Variants in BMAL1 observed in about 807,000 individuals in gnomAD.
The protein encoded by BMAL1 is basic helix-loop-helix ARNT like 1.
the BMAL1 span, among the ~76,000 whole-genome samples, chr11:13,382,351 A>T: frequency 6.6e-6 from 1 of 152,224 alleles, no homozygotes; most frequent in Non-Finnish European, 1.5e-5. Flanking sequence ...GAACTTGTAC[A>T]ACTTTCAAGC....
the BMAL1 span, among the ~76,000 whole-genome samples, chr11:13,295,783 C>G: frequency 2.0e-5 from 3 of 152,158 alleles, no homozygotes; most frequent in Non-Finnish European, 4.4e-5. Context: ...TATATTTTCT[C>G]TCCTATTATT....
At chr11:13,384,285 T>C in the BMAL1 span, among the ~76,000 whole-genome samples, 3 of 152,200 alleles carry the variant, frequency 2.0e-5, no homozygotes, top group Non-Finnish European at 4.4e-5. Context: ...GTTGATGAGA[T>C]AGGGAGTATT....
chr11:13,371,077 T>C, the BMAL1 span, among the ~76,000 whole-genome samples: 24 of 152,334 alleles, frequency 1.6e-4, no homozygotes, highest in Admixed American at 3.9e-4. Context: ...CGATTATTTG[T>C]TTAAAGTCTG....
chr11:13,278,142 G>A, the BMAL1 span, among the ~76,000 whole-genome samples: 1 of 152,192 alleles, frequency 6.6e-6, no homozygotes, highest in Non-Finnish European at 1.5e-5. Context: ...AAGGCGCCGC[G>A]CCCGTCCGCC....
the BMAL1 span, among the ~76,000 whole-genome samples, chr11:13,363,902 A>G: frequency 1.3e-5 from 2 of 152,020 alleles, no homozygotes; most frequent in South Asian, 2.1e-4. Context: ...CCAGGGTGCT[A>G]TGGAGTTGGA....
the BMAL1 span, among the ~76,000 whole-genome samples, chr11:13,285,181 A>G: frequency 6.6e-6 from 1 of 152,236 alleles, no homozygotes; most frequent in Non-Finnish European, 1.5e-5. Context: ...GGGGTATGTC[A>G]TAATGAGCAA....
At chr11:13,359,855 CT>C in the BMAL1 span, among the ~76,000 whole-genome samples, 1 of 152,164 alleles carries the variant, frequency 6.6e-6, no homozygotes, top group African/African-American at 2.4e-5. Context: ...TAACTCACCC[CT>C]GATGAAGAGT....
the BMAL1 span, chr11:13,326,573 AGT>A: frequency 6.6e-6 from 1 of 152,196 alleles, no homozygotes; most frequent in South Asian, 2.1e-4. Context: ...ACTGCTTAGT[AGT>A]TAAGAGTATG....
At chr11:13,356,012 C>T in the BMAL1 span, among the ~76,000 whole-genome samples, 1 of 152,172 alleles carries the variant, frequency 6.6e-6, no homozygotes, top group Admixed American at 6.5e-5. Context: ...GGAACTCCTT[C>T]CTCTGGGGAT....
the BMAL1 span, chr11:13,387,070 T>C: frequency 4.6e-6 from 1 of 217,952 alleles, no homozygotes; most frequent in East Asian, 9.8e-5. Flanking sequence ...TTGGTAGCTT[T>C]TATATGCAAA....
chr11:13,282,728 A>G, the BMAL1 span, among the ~76,000 whole-genome samples: 1 of 152,144 alleles, frequency 6.6e-6, no homozygotes, highest in African/African-American at 2.4e-5. Flanking sequence ...TGCATTCCAT[A>G]TTGTGTTGGG....
the BMAL1 span, among the ~76,000 whole-genome samples, chr11:13,330,446 A>G: frequency 4.6e-5 from 7 of 152,268 alleles, no homozygotes; most frequent in Admixed American, 3.9e-4. Context: ...GAACTGAGTT[A>G]TTAAAAAACA....
chr11:13,289,575 C>T, the BMAL1 span, among the ~76,000 whole-genome samples: 3 of 152,150 alleles, frequency 2.0e-5, no homozygotes, highest in African/African-American at 7.2e-5. Context: ...ATGTTCCCCG[C>T]CCCGTGTCCA....
chr11:13,365,625 C>A, the BMAL1 span: 1 of 1,567,020 alleles, frequency 6.4e-7, no homozygotes, highest in Non-Finnish European at 8.8e-7. Context: ...TGGTGGGCAG[C>A]CTCACAGCAG....
chr11:13,290,520 T>C, the BMAL1 span, among the ~76,000 whole-genome samples: 1 of 152,138 alleles, frequency 6.6e-6, no homozygotes, highest in East Asian at 1.9e-4. Context: ...TGACTGGAGA[T>C]CTGCCAAATC....
chr11:13,369,557 C>T, the BMAL1 span: 1 of 1,595,982 alleles, frequency 6.3e-7, no homozygotes, highest in Non-Finnish European at 8.5e-7. Flanking sequence ...CAAGGTCACA[C>T]TCCCCCTCCT....
At chr11:13,287,990 A>G in the BMAL1 span, among the ~76,000 whole-genome samples, 3 of 152,188 alleles carry the variant, frequency 2.0e-5, no homozygotes, top group African/African-American at 7.2e-5. Flanking sequence ...TGAGCATTGT[A>G]GAAGGGAGGA....
the BMAL1 span, among the ~76,000 whole-genome samples, chr11:13,349,044 C>T: frequency 6.6e-6 from 1 of 152,168 alleles, no homozygotes; most frequent in African/African-American, 2.4e-5. Context: ...GAGCCAGTTT[C>T]TGCCAGACAC....
the BMAL1 span, chr11:13,365,577 C>T: frequency 9.9e-6 from 16 of 1,613,374 alleles, no homozygotes; most frequent in Admixed American, 1.7e-5. Flanking sequence ...TCTTCAAGAT[C>T]CTCAACTACA....
Sources: allele counts gnomAD v4.1 joint callset (sites outside exome capture counted in the v4.1 genomes callset), GRCh38; gene constraint gnomAD v4.1.1; transcripts MANE v1.5; gene names NCBI Gene and HGNC (gene_info 2026-07-23, HGNC 2026-07-21).